Variants in SLC36A1 observed in about 807,000 individuals in gnomAD.
The protein encoded by SLC36A1 is proton-coupled amino acid transporter 1.
A neutral mutation model predicts 47.5 loss-of-function variants in SLC36A1; 30 were observed. The observed-to-expected ratio is 0.63, with a 90% CI of 0.47 to 0.86. The LOEUF is 0.86. Ranked by LOEUF, SLC36A1 falls within the 40% of genes least tolerant of loss-of-function variation. SLC36A1 has a pLI of 0.00. For synonymous variants in SLC36A1, 255 were observed against 249.7 expected (o/e 1.02, Z -0.20); for missense variants, 517 against 606.0 (o/e 0.85, Z 1.54).
the SLC36A1 span, among the ~76,000 whole-genome samples, chr5:151,534,970 AAT>A: frequency 0.038 from 4,042 of 106,388 alleles, 257 homozygotes; most frequent in African/African-American, 0.051. Context: ...CTTCTAGGAA[AAT>A]ATATATATAT....
the SLC36A1 span, among the ~76,000 whole-genome samples, chr5:151,503,310 CTATG>C: frequency 1.4e-5 from 2 of 147,916 alleles, 1 homozygote; most frequent in African/African-American, 5.3e-5. Context: ...ATGAGGGAGG[CTATG>C]TATGGGAGGG....
exon 1 of SLC36A1, chr5:151,437,157 A>C (rs1410166640): frequency 2.6e-5 from 4 of 152,190 alleles, no homozygotes; most frequent in African/African-American, 9.7e-5. Context: ...GCCAAGACTG[A>C]CAGCAAGGAA....
the SLC36A1 span, among the ~76,000 whole-genome samples, chr5:151,364,773 A>C: frequency 6.6e-6 from 1 of 152,208 alleles, no homozygotes; most frequent in African/African-American, 2.4e-5. Flanking sequence ...ATCAGGCACC[A>C]GTGGAAGCAG....
the SLC36A1 span, among the ~76,000 whole-genome samples, chr5:151,421,004 G>A: frequency 0.033 from 4,955 of 151,686 alleles, 249 homozygotes; most frequent in African/African-American, 0.11. Context: ...CCAAGTAGCT[G>A]GGACTACAGG....
rs1158123815 is a variant in SLC36A1, at chr5:151,488,520, C to T, written c.*266C>T. ...CACCCAGAACTTTCCAGCTCCCCCTCATCATGCCTCCTCCTTCCTACCTGC... is the reference window on the plus strand; with the variant it reads ...CACCCAGAACTTTCCAGCTCCCCCTTATCATGCCTCCTCCTTCCTACCTGC... On this transcript the variant is annotated 3_prime_UTR_variant, in exon 11 of 11. Transcript: ENST00000243389. 5 of 489,082 alleles carry T rather than the reference C, an allele frequency of 1.0e-5. No individual in the cohort carries two copies. Among genetic ancestry groups the T allele is most frequent in the Non-Finnish European group, 1.8e-5 (5 of 271,144 alleles). 30.3% of individuals were successfully genotyped at this position (489,082 alleles called of 1,614,324 possible). A position where few individuals can be genotyped will look rare whatever the true frequency, so the allele number is the denominator to read the frequency against.
chr5:151,542,036 T>A, the SLC36A1 span, among the ~76,000 whole-genome samples: 2 of 152,232 alleles, frequency 1.3e-5, no homozygotes, highest in Admixed American at 1.3e-4. Context: ...ACATACTTTT[T>A]GCAAAGCACT....
the SLC36A1 span, among the ~76,000 whole-genome samples, chr5:151,428,120 G>A: frequency 6.6e-6 from 1 of 152,174 alleles, no homozygotes; most frequent in Admixed American, 6.5e-5. Flanking sequence ...ATGTTTCTGG[G>A]AAGTCCAGCC....
At chr5:151,440,806 A>C (rs911931641) in intron 1 of SLC36A1, among the ~76,000 whole-genome samples, 5 of 152,032 alleles carry the variant, frequency 3.3e-5, no homozygotes, top group Non-Finnish European at 7.4e-5. Context: ...TGCCCAGGTC[A>C]CCCAGCTGGG....
chr5:151,461,911 T>C (rs1166866611), intron 2 of SLC36A1, among the ~76,000 whole-genome samples: 1 of 151,460 alleles, frequency 6.6e-6, no homozygotes, highest in Non-Finnish European at 1.5e-5. Flanking sequence ...TTACTTGTCT[T>C]AAGGCAAAGA....
the SLC36A1 span, among the ~76,000 whole-genome samples, chr5:151,423,022 A>G: frequency 1.3e-5 from 2 of 152,242 alleles, no homozygotes; most frequent in Non-Finnish European, 2.9e-5. Flanking sequence ...GCAAATAAGC[A>G]TATGAAAAGA....
chr5:151,458,924 C>CAAT lies in SLC36A1; in HGVS notation c.134_136dup (p.Asn45dup). On this transcript the variant is annotated inframe_insertion, in exon 2 of 11. Transcript: ENST00000243389. ...GCTCCTACCAGCGCTTTGGTCAAAG[C>CAAT]AATAGCACAACGTGAGTAGCTGTTA... is the stretch of plus-strand genomic sequence containing the variant. 1 of 1,611,090 alleles carries CAAT rather than the reference C, an allele frequency of 6.2e-7. No individual in the cohort carries two copies. The highest frequency in any genetic ancestry group is 1.3e-5 in the African/African-American group (1 of 75,024).
intron 7 of SLC36A1, 48 bp from the exon 8 acceptor site, chr5:151,473,625 G>C (rs755811210): frequency 1.7e-5 from 21 of 1,212,460 alleles, no homozygotes; most frequent in Admixed American, 3.6e-5. Flanking sequence ...TTGAATTTCT[G>C]TATAGCCTTT....
At position 151,458,929 on chromosome 5, in the gene SLC36A1, G is replaced by T. The variant is rs769466345; in HGVS notation, c.137G>T (p.Ser46Ile). The part of the protein sequence containing the change: ...GSYQRFGQSN[S>I]TTWFQTLIHL... Reference sequence around the variant, plus strand: ...TACCAGCGCTTTGGTCAAAGCAATAGCACAACGTGAGTAGCTGTTACCTTC... The same window carrying T: ...TACCAGCGCTTTGGTCAAAGCAATATCACAACGTGAGTAGCTGTTACCTTC... The change falls in exon 2 of 11, where the codon AGC (serine) becomes ATC (isoleucine). Residue 46 changes from serine (S) to isoleucine (I), a missense_variant. Transcript: ENST00000243389. 6.2e-7 allele frequency: 1 copy of T among 1,609,626 alleles called. No homozygotes were observed.
intron 1 of SLC36A1, among the ~76,000 whole-genome samples, chr5:151,439,497 A>G (rs1484084976): frequency 6.6e-6 from 1 of 151,982 alleles, no homozygotes; most frequent in Non-Finnish European, 1.5e-5. Context: ...TACTAAAAAT[A>G]CAAAAATTTG....
At chr5:151,516,408 C>G in the SLC36A1 span, among the ~76,000 whole-genome samples, 2 of 152,072 alleles carry the variant, frequency 1.3e-5, no homozygotes, top group Non-Finnish European at 2.9e-5. Context: ...TCCAGCTACT[C>G]CAGAGACTGA....
the SLC36A1 span, chr5:151,544,450 G>T: frequency 1.2e-6 from 2 of 1,614,170 alleles, no homozygotes; most frequent in Middle Eastern, 1.7e-4. Flanking sequence ...CCCTGTTACT[G>T]TTAGGACACC....
At chr5:151,551,983 G>GTA in the SLC36A1 span, among the ~76,000 whole-genome samples, 8 of 150,926 alleles carry the variant, frequency 5.3e-5, no homozygotes, top group African/African-American at 1.9e-4. Flanking sequence ...AAGGGTGTGT[G>GTA]TGTGTGTGTG....
chr5:151,554,547 T>C, the SLC36A1 span: 7 of 1,614,022 alleles, frequency 4.3e-6, no homozygotes, highest in East Asian at 2.2e-5. Context: ...GGGCTCAGCC[T>C]CTCTGGAAGG....
the SLC36A1 span, chr5:151,546,022 A>T: frequency 6.2e-7 from 1 of 1,614,050 alleles, no homozygotes; most frequent in Non-Finnish European, 8.5e-7. Flanking sequence ...CATAGAGAAG[A>T]CTCCATCCTT....
Sources: gnomAD v4.1 joint callset for allele counts (sites outside exome capture counted in the v4.1 genomes callset) on GRCh38, gnomAD v4.1.1 for gene constraint, MANE v1.5 for transcripts, NCBI Gene and HGNC (gene_info 2026-07-23, HGNC 2026-07-21) for gene names.